Variants in NOL4 observed in about 807,000 individuals in gnomAD.
The protein encoded by NOL4 is nucleolar protein 4.
Under a neutral mutation model 75.9 loss-of-function variants are expected in NOL4, and 17 were observed. The observed-to-expected ratio is 0.22, with a 90% CI of 0.15 to 0.34. NOL4 has a LOEUF of 0.34. Ranked by LOEUF, NOL4 falls within the 10% of genes least tolerant of loss-of-function variation. NOL4 has a pLI of 1.00. For missense variants in NOL4, 614 were observed against 793.5 expected (o/e 0.77, Z 2.72); for synonymous variants, 292 against 289.9 (o/e 1.01, Z -0.07).
intron 9 of NOL4, among the ~76,000 whole-genome samples, chr18:33,890,132 AAAACCC>A (rs1233450269): frequency 2.6e-5 from 4 of 152,308 alleles, no homozygotes; most frequent in Non-Finnish European, 5.9e-5. Context: ...GTATATTTAG[AAAACCC>A]CATCGTCTCA....
In NOL4 at chr18:33,852,107, T is replaced by C. The variant is rs945110254; in HGVS notation, c.*735A>G. 14 of 152,436 alleles carry C rather than the reference T, an allele frequency of 9.2e-5. No homozygotes were observed. Among genetic ancestry groups the C allele is most frequent in the African/African-American group, 3.4e-4 (14 of 41,396 alleles). The allele number at this position is 152,436 out of a possible 1,614,324, so 9.4% of individuals were successfully genotyped here. A position where few individuals can be genotyped will look rare whatever the true frequency, so the allele number is the denominator to read the frequency against. The stretch of plus-strand genomic sequence containing the variant: ...TTGAGTGGGGTTTTTGAGATCAGCA[T>C]GAGAGCAGAAATGCAGGCTTCTCTT... On this transcript the variant is annotated 3_prime_UTR_variant, in exon 11 of 11. Transcript: ENST00000261592.
intron 5 of NOL4, among the ~76,000 whole-genome samples, chr18:34,057,499 G>A (rs911646642): frequency 6.6e-6 from 1 of 152,196 alleles, no homozygotes; most frequent in African/African-American, 2.4e-5. Context: ...TCTAGAATGA[G>A]AGTAGAACTG....
At chr18:33,920,307 A>G (rs901799345) in intron 9 of NOL4, among the ~76,000 whole-genome samples, 2 of 152,218 alleles carry the variant, frequency 1.3e-5, no homozygotes, top group Non-Finnish European at 2.9e-5. Flanking sequence ...CCAAATCTTT[A>G]AATAAATAAA....
chr18:34,084,518 A>G (rs2078158663), intron 5 of NOL4, among the ~76,000 whole-genome samples: 1 of 152,230 alleles, frequency 6.6e-6, no homozygotes, highest in Non-Finnish European at 1.5e-5. Context: ...TACTATTTCA[A>G]TTTAAAAAGT....
rs931980768 is a variant in NOL4, at chr18:34,044,037, T to G, written c.773-24436A>C. ...CTCATTCTTCTCACTTTACTGTGTA[T>G]GTGTATGAAATTCTGTTCAGACTTC... On this transcript the variant is annotated intron_variant, in intron 5 of 10. Coordinates refer to ENST00000261592, the MANE Select transcript of NOL4 (RefSeq NM_003787.5). Among the ~76,000 whole-genome samples the G allele has an allele frequency of 2.0e-5, 3 of 152,162 alleles. No homozygotes were observed. In the South Asian group the frequency reaches 6.2e-4, roughly 31 times the overall value.
intron 5 of NOL4, among the ~76,000 whole-genome samples, chr18:34,042,664 G>A (rs1406956608): frequency 1.1e-4 from 16 of 152,050 alleles, no homozygotes. Context: ...AGCATCCGGT[G>A]CAGCAAGTTC....
intron 6 of NOL4, among the ~76,000 whole-genome samples, chr18:34,009,954 T>A (rs1243951054): frequency 6.6e-6 from 1 of 151,936 alleles, no homozygotes; most frequent in Non-Finnish European, 1.5e-5. Flanking sequence ...ATTAGAATAA[T>A]CCTGGCACAT....
intron 5 of NOL4, among the ~76,000 whole-genome samples, chr18:34,064,946 C>T (rs976310643): frequency 1.7e-5 from 1 of 57,626 alleles, no homozygotes; most frequent in East Asian, 8.5e-4. Context: ...CACACACACA[C>T]ACACACATCA....
chr18:34,025,029 C>T (rs2075275028), intron 5 of NOL4, among the ~76,000 whole-genome samples: 2 of 152,046 alleles, frequency 1.3e-5, no homozygotes, highest in African/African-American at 4.8e-5. Flanking sequence ...TGGATAGCAA[C>T]AGAACTAAAG....
intron 5 of NOL4, among the ~76,000 whole-genome samples, chr18:34,070,132 C>T (rs893028219): frequency 2.0e-5 from 3 of 152,312 alleles, no homozygotes; most frequent in Admixed American, 6.5e-5. Flanking sequence ...TCCGGGTTCA[C>T]GCCATTCTCC....
intron 5 of NOL4, among the ~76,000 whole-genome samples, chr18:34,020,767 A>C (rs2074990682): frequency 2.0e-5 from 3 of 152,148 alleles, no homozygotes; most frequent in Admixed American, 6.5e-5. Flanking sequence ...TTAAAAAAAA[A>C]CACATAGACA....
intron 5 of NOL4, among the ~76,000 whole-genome samples, chr18:34,052,582 T>C (rs114284640): frequency 0.012 from 1,788 of 152,164 alleles, 34 homozygotes; most frequent in African/African-American, 0.041. Flanking sequence ...TTTTAAATTA[T>C]TTATTAAACA....
At chr18:34,008,320 T>A (rs1239931342) in intron 6 of NOL4, among the ~76,000 whole-genome samples, 1 of 151,876 alleles carries the variant, frequency 6.6e-6, no homozygotes, top group Non-Finnish European at 1.5e-5. Context: ...TTTCTTAGCC[T>A]CCACAGTTGT....
At chr18:34,217,678 T>C (rs907316658) in intron 1 of NOL4, among the ~76,000 whole-genome samples, 6 of 152,182 alleles carry the variant, frequency 3.9e-5, no homozygotes, top group African/African-American at 1.4e-4. Context: ...CTATGAATCA[T>C]ATTTTAAGCA....
intron 10 of NOL4, among the ~76,000 whole-genome samples, chr18:33,855,389 T>C (rs1280875267): frequency 3.3e-5 from 5 of 152,054 alleles, no homozygotes; most frequent in Non-Finnish European, 5.9e-5. Flanking sequence ...GTTATAAAGA[T>C]GCTACATTTA....
intron 1 of NOL4, among the ~76,000 whole-genome samples, chr18:34,207,808 G>A (rs2036227004): frequency 6.6e-6 from 1 of 152,160 alleles, no homozygotes; most frequent in African/African-American, 2.4e-5. Context: ...TTGCCACAGG[G>A]ACCAAGGGAA....
intron 10 of NOL4, among the ~76,000 whole-genome samples, chr18:33,882,968 A>C (rs2144679632): frequency 6.6e-6 from 1 of 152,054 alleles, no homozygotes; most frequent in South Asian, 2.1e-4. Context: ...AAAAAACCAA[A>C]CACCGCATAT....
intron 10 of NOL4, among the ~76,000 whole-genome samples, chr18:33,861,537 T>C (rs1406594676): frequency 6.6e-6 from 1 of 152,112 alleles, no homozygotes; most frequent in Non-Finnish European, 1.5e-5. Context: ...TTTTCTTTAT[T>C]AGTCTTGCTA....
chr18:33,954,778 G>T (rs1568121376), intron 8 of NOL4, among the ~76,000 whole-genome samples: 1 of 151,978 alleles, frequency 6.6e-6, no homozygotes, highest in African/African-American at 2.4e-5. Context: ...GCTTGTTCAG[G>T]CTCTTGGAGT....
Sources: gnomAD v4.1 joint callset for allele counts (sites outside exome capture counted in the v4.1 genomes callset) on GRCh38, gnomAD v4.1.1 for gene constraint, MANE v1.5 for transcripts, NCBI Gene and HGNC (gene_info 2026-07-23, HGNC 2026-07-21) for gene names.